The following ANKRD36C variants were observed in gnomAD, a reference collection of about 807,000 sequenced individuals.
ANKRD36C encodes ankyrin repeat domain-containing protein 36C.
Under a neutral mutation model 276.4 loss-of-function variants are expected in ANKRD36C, and 61 were observed. The ratio of observed to expected loss-of-function variants is 0.22; its 90% CI spans 0.18 to 0.27. The LOEUF (loss-of-function observed/expected upper bound fraction) is 0.27, where lower values mean the gene tolerates loss of function less well. Among genes scored for constraint, ANKRD36C ranks in the 10% least tolerant of loss-of-function variants. ANKRD36C has a pLI of 1.00. For synonymous variants in ANKRD36C, 483 were observed against 680.1 expected (o/e 0.71, Z 4.51); for missense variants, 1,447 against 2,032.3 (o/e 0.71, Z 5.54).
intron 46 of ANKRD36C, among the ~76,000 whole-genome samples, chr2:95,890,290 G>T (rs1416854836): frequency 2.0e-5 from 3 of 151,516 alleles, no homozygotes; most frequent in African/African-American, 7.3e-5. Flanking sequence ...AGGACAAAGT[G>T]ATCTAAAATC....
chr2:95,866,854 T>A (rs1573726947), intron 60 of ANKRD36C, among the ~76,000 whole-genome samples: 1 of 152,276 alleles, frequency 6.6e-6, no homozygotes, highest in East Asian at 1.9e-4. Context: ...ACCTTTTACA[T>A]GTGTGCACTG....
intron 6 of ANKRD36C, among the ~76,000 whole-genome samples, chr2:95,969,989 G>A (rs1464172600): frequency 6.6e-6 from 1 of 152,016 alleles, no homozygotes; most frequent in Admixed American, 6.6e-5. Flanking sequence ...TTCACTAAGG[G>A]TCTTGAAATC....
intron 24 of ANKRD36C, among the ~76,000 whole-genome samples, chr2:95,933,446 T>C (rs1036252905): frequency 1.3e-5 from 2 of 152,228 alleles, no homozygotes; most frequent in Non-Finnish European, 2.9e-5. Context: ...TCCTCTCTTA[T>C]ATCCTTGAGC....
intron 44 of ANKRD36C, among the ~76,000 whole-genome samples, chr2:95,892,865 C>G (rs185280028): frequency 6.6e-6 from 1 of 151,172 alleles, no homozygotes. Context: ...ATCTCTGATG[C>G]CTAATAGTAA....
chr2:95,850,144 T>C (rs867682430), downstream of ANKRD36C, among the ~76,000 whole-genome samples: 1,240 of 152,344 alleles, frequency 8.1e-3, no homozygotes, highest in South Asian at 0.022. Flanking sequence ...AATTTGCCCA[T>C]AGTTGCACAC....
intron 61 of ANKRD36C, among the ~76,000 whole-genome samples, chr2:95,859,268 G>A (rs1350369406): frequency 6.6e-6 from 1 of 151,970 alleles, no homozygotes; most frequent in African/African-American, 2.4e-5. Flanking sequence ...TCCTGACCTC[G>A]TGATCTGCCC....
At chr2:95,916,411 A>C (rs561123018) in intron 36 of ANKRD36C, among the ~76,000 whole-genome samples, 6 of 151,686 alleles carry the variant, frequency 4.0e-5, no homozygotes, top group South Asian at 2.1e-4. Context: ...TGTGTCGAAA[A>C]CTAAAATAAA....
intron 62 of ANKRD36C, 24 bp from the exon 83 acceptor site, chr2:95,856,204 T>C: frequency 1.3e-6 from 2 of 1,572,530 alleles, no homozygotes; most frequent in South Asian, 2.4e-5. Flanking sequence ...AGCAAACTTG[T>C]AACTAGTATC....
chr2:95,879,655 A>T (rs1377268677), intron 58 of ANKRD36C, among the ~76,000 whole-genome samples: 2 of 152,230 alleles, frequency 1.3e-5, no homozygotes, highest in African/African-American at 4.8e-5. Flanking sequence ...TGATTGGCTT[A>T]ATATAATAAG....
chr2:95,857,875 C>T (rs4907285), intron 61 of ANKRD36C, among the ~76,000 whole-genome samples: 56,900 of 145,194 alleles, frequency 0.39, 9,537 homozygotes, highest in East Asian at 0.45. Flanking sequence ...TGATAAGAAA[C>T]ATTTTACAAT....
At chr2:95,876,935 T>G (rs1211641818) in intron 58 of ANKRD36C, among the ~76,000 whole-genome samples, 3 of 150,512 alleles carry the variant, frequency 2.0e-5, no homozygotes, top group Middle Eastern at 3.2e-3. Context: ...AGTATAATAT[T>G]TACTTCTTTA....
rs1271264731 is a variant in ANKRD36C, at chr2:95,911,420, C to T, written c.2653+824G>A. Reference sequence around the variant, plus strand: ...AACATAATTTTTGTTTCTAAAATAGCCTTGTTAGGAGTATCATGTTATTTT... The same window carrying T: ...AACATAATTTTTGTTTCTAAAATAGTCTTGTTAGGAGTATCATGTTATTTT... On this transcript the variant is annotated intron_variant, in intron 42 of 66. Transcript: ENST00000456556. Among the ~76,000 whole-genome samples the T allele has an allele frequency of 5.3e-5, 8 of 151,308 alleles. No homozygotes were observed. The East Asian group carries it at 1.4e-3, about 26-fold the overall frequency.
At chr2:95,856,445 A>G (rs1420261997) in intron 62 of ANKRD36C, among the ~76,000 whole-genome samples, 1 of 152,160 alleles carries the variant, frequency 6.6e-6, no homozygotes, top group African/African-American at 2.4e-5. Flanking sequence ...CAGGATAAAA[A>G]AAGGCTTTTA....
chr2:95,914,308 A>G lies in ANKRD36C; in HGVS notation c.2450-5T>C, dbSNP rs777994214. On this transcript the variant is annotated splice_polypyrimidine_tract_variant and splice_region_variant and intron_variant, in intron 38 of 66. Transcript: ENST00000456556. ...CTGCTGGTTTCTCAGAAGTCACTGA[A>G]AAGTAAAAGGGATTCATAATCACTC... The G allele has an allele frequency of 6.5e-6, 10 of 1,548,042 alleles. No homozygotes were observed. The highest frequency in any genetic ancestry group is 7.9e-6 in the Non-Finnish European group (9 of 1,145,192).
intron 46 of ANKRD36C, among the ~76,000 whole-genome samples, chr2:95,890,898 C>T (rs914534481): frequency 6.6e-6 from 1 of 151,376 alleles, no homozygotes; most frequent in African/African-American, 2.4e-5. Flanking sequence ...GCTATTTCAT[C>T]CAAGGGGTAG....
At chr2:95,916,592 T>A (rs1428081049) in intron 36 of ANKRD36C, among the ~76,000 whole-genome samples, 1 of 151,764 alleles carries the variant, frequency 6.6e-6, no homozygotes, top group African/African-American at 2.4e-5. Flanking sequence ...CAAACATTCA[T>A]CATGCTCTTT....
At chr2:95,938,764 A>C (rs532510501) in intron 22 of ANKRD36C, 65 bp downstream of exon 22, 6 of 1,534,854 alleles carry the variant, frequency 3.9e-6, no homozygotes, top group African/African-American at 1.4e-5. Context: ...GAATCAAAAA[A>C]CTACGAGCAT....
intron 30 of ANKRD36C, among the ~76,000 whole-genome samples, chr2:95,924,191 G>T (rs1573771203): frequency 6.6e-6 from 1 of 151,666 alleles, no homozygotes; most frequent in Non-Finnish European, 1.5e-5. Context: ...CTCTTAAGTG[G>T]AAGGGACCTA....
exon 64 of ANKRD36C, chr2:95,853,772 G>T (rs79910693): frequency 3.1e-4 from 491 of 1,603,638 alleles, no homozygotes; most frequent in Non-Finnish European, 3.8e-4. Flanking sequence ...AATAGATGCA[G>T]TGACGCGATG....
Sources: gnomAD v4.1 joint callset for allele counts (sites outside exome capture counted in the v4.1 genomes callset) on GRCh38, gnomAD v4.1.1 for gene constraint, MANE v1.5 for transcripts, NCBI Gene and HGNC (gene_info 2026-07-23, HGNC 2026-07-21) for gene names.